Variants in DSCAML1 observed in about 807,000 individuals in gnomAD.
The protein encoded by DSCAML1 is cell adhesion molecule DSCAML1.
DSCAML1 carries 38 observed loss-of-function variants against 200.5 expected under a neutral mutation model. That is an observed-to-expected ratio of 0.19 (90% CI 0.15 to 0.25). DSCAML1 has a LOEUF of 0.25. Among genes scored for constraint, DSCAML1 ranks in the 10% least tolerant of loss-of-function variants. The pLI is 1.00. For synonymous variants in DSCAML1, 1,215 were observed against 1,165.0 expected (o/e 1.04, Z -0.87); for missense variants, 2,223 against 2,858.8 (o/e 0.78, Z 5.07).
intron 3 of DSCAML1, among the ~76,000 whole-genome samples, chr11:117,758,712 T>C (rs1164657249): frequency 6.6e-6 from 1 of 152,152 alleles, no homozygotes; most frequent in Non-Finnish European, 1.5e-5. Flanking sequence ...GGCAGAACTC[T>C]TTATTGCCAT....
intron 21 of DSCAML1, among the ~76,000 whole-genome samples, chr11:117,440,805 C>T (rs2048028508): frequency 1.3e-5 from 2 of 151,832 alleles, no homozygotes; most frequent in African/African-American, 4.8e-5. Flanking sequence ...CCTGTAACCC[C>T]AGCTACTCGG....
chr11:117,798,085 G>A (rs2055616607), upstream of DSCAML1, among the ~76,000 whole-genome samples: 1 of 152,240 alleles, frequency 6.6e-6, no homozygotes, highest in Non-Finnish European at 1.5e-5. Context: ...AATATGGTTG[G>A]AAAGCCCTCC....
intron 3 of DSCAML1, among the ~76,000 whole-genome samples, chr11:117,608,663 A>T (rs567674915): frequency 6.6e-6 from 1 of 152,120 alleles, no homozygotes; most frequent in Non-Finnish European, 1.5e-5. Flanking sequence ...TATTTTGACT[A>T]TGTCTGATTT....
At chr11:117,438,558 C>G (rs2137078500) in intron 24 of DSCAML1, among the ~76,000 whole-genome samples, 1 of 150,398 alleles carries the variant, frequency 6.6e-6, no homozygotes, top group East Asian at 2.0e-4. Context: ...CTTGGTGACG[C>G]AGACGCACGC....
chr11:117,524,534 C>G (rs759144016), intron 5 of DSCAML1, among the ~76,000 whole-genome samples: 2 of 152,226 alleles, frequency 1.3e-5, no homozygotes, highest in African/African-American at 4.8e-5. Flanking sequence ...GACCACTTTC[C>G]CATTTTACAG....
intron 11 of DSCAML1, among the ~76,000 whole-genome samples, chr11:117,494,057 C>T (rs755511579): frequency 2.0e-4 from 31 of 152,222 alleles, no homozygotes; most frequent in Admixed American, 3.3e-4. Context: ...ACCCTCACTT[C>T]TCCAAACACA....
At chr11:117,655,623 TG>T (rs1758379220) in intron 3 of DSCAML1, among the ~76,000 whole-genome samples, 1 of 152,244 alleles carries the variant, frequency 6.6e-6, no homozygotes, top group Non-Finnish European at 1.5e-5. Flanking sequence ...CAGGGACACC[TG>T]GCCATCCTGA....
chr11:117,666,516 C>T (rs1441176392), intron 3 of DSCAML1, among the ~76,000 whole-genome samples: 2 of 152,176 alleles, frequency 1.3e-5, no homozygotes, highest in African/African-American at 4.8e-5. Flanking sequence ...CCAAATGCCC[C>T]TGAGGACAAA....
At position 117,431,127 on chromosome 11, in the gene DSCAML1, C is replaced by A. The variant is rs976298792; in HGVS notation, c.5375-94G>T. 4 of 1,291,270 alleles carry A rather than the reference C, an allele frequency of 3.1e-6. No individual in the cohort carries two copies. In the Admixed American group the frequency reaches 8.5e-5, roughly 28 times the overall value. The allele number at this position is 1,291,270 out of a possible 1,614,324, so 80.0% of individuals were successfully genotyped here. A position where few individuals can be genotyped will look rare whatever the true frequency, so the allele number is the denominator to read the frequency against. Reference sequence around the variant, plus strand: ...CCCTGCCCGTAACCCCAGCAGCCATCTGTAAGTCTGGCCATGGAGGGCACC... The same window carrying A: ...CCCTGCCCGTAACCCCAGCAGCCATATGTAAGTCTGGCCATGGAGGGCACC... On this transcript the variant is annotated intron_variant, in intron 31 of 32. Transcript: ENST00000651296.
chr11:117,559,747 G>C (rs944082565), intron 3 of DSCAML1, among the ~76,000 whole-genome samples: 1 of 152,166 alleles, frequency 6.6e-6, no homozygotes, highest in Admixed American at 6.5e-5. Context: ...GGCTGAAGAA[G>C]GGGCAGAGAG....
Position 117,518,318 on chromosome 11 carries a change from A to T in DSCAML1, c.1510+148T>A, listed in dbSNP as rs902758452. On this transcript the variant is annotated intron_variant, in intron 7 of 32. Transcript: ENST00000651296. The surrounding 1 kb of genome is among the most constrained non-coding windows in gnomAD (Gnocchi z 6.3). The stretch of plus-strand genomic sequence containing the variant: ...GATGATGGCGCTTGAGGAGGGCAGG[A>T]AAAGGGGACGAGAGAGGGGAGAGAG... 3.6e-6 allele frequency: 4 copies of T among 1,102,748 alleles called. No homozygotes were observed. The highest frequency in any genetic ancestry group is 4.7e-5 in the East Asian group (2 of 42,416). 68.3% of individuals were successfully genotyped at this position (1,102,748 alleles called of 1,614,324 possible). A position where few individuals can be genotyped will look rare whatever the true frequency, so the allele number is the denominator to read the frequency against.
intron 15 of DSCAML1, 27 bp downstream of exon 15, chr11:117,471,842 G>T (rs370623149): frequency 1.3e-5 from 19 of 1,470,538 alleles, no homozygotes; most frequent in Admixed American, 1.8e-5. Context: ...GAGGCCATGG[G>T]CAGGGCAGGC....
At position 117,461,208 on chromosome 11, in the gene DSCAML1, C is replaced by T. The variant is rs1166531114; in HGVS notation, c.3412+242G>A. Among the ~76,000 whole-genome samples, 5 of 151,662 alleles carry T rather than the reference C, an allele frequency of 3.3e-5. No homozygotes were observed. In the East Asian group the frequency reaches 7.7e-4, roughly 23 times the overall value. ...CCCTAGGTACCACCCCCCCACCTTGCTCCTGGCTCTGACCCCAGTTGAACA... is the reference window on the plus strand; with the variant it reads ...CCCTAGGTACCACCCCCCCACCTTGTTCCTGGCTCTGACCCCAGTTGAACA... On this transcript the variant is annotated intron_variant, in intron 18 of 32. Transcript: ENST00000651296.
chr11:117,586,682 A>G (rs1217086744), intron 3 of DSCAML1, among the ~76,000 whole-genome samples: 1 of 152,156 alleles, frequency 6.6e-6, no homozygotes, highest in Non-Finnish European at 1.5e-5. Flanking sequence ...TGGAGAATTC[A>G]TGCCTGCTTC....
intron 1 of DSCAML1, among the ~76,000 whole-genome samples, chr11:117,786,201 G>A (rs4603339): frequency 0.84 from 128,180 of 152,178 alleles, 54,124 homozygotes; most frequent in Middle Eastern, 0.92. Flanking sequence ...TCAACAGCAA[G>A]GCTTCTTCTG....
intron 11 of DSCAML1, among the ~76,000 whole-genome samples, chr11:117,490,384 A>T (rs2137245032): frequency 6.6e-6 from 1 of 152,142 alleles, no homozygotes. Flanking sequence ...CTGCTGCCTC[A>T]CTCACTCCCG....
At chr11:117,439,177 T>G in intron 23 of DSCAML1, 89 bp downstream of exon 23, 4 of 1,538,782 alleles carry the variant, frequency 2.6e-6, no homozygotes, top group Non-Finnish European at 3.5e-6. Flanking sequence ...TTTGGCTTCT[T>G]CCATTCGATG....
intron 3 of DSCAML1, among the ~76,000 whole-genome samples, chr11:117,762,036 C>T (rs1409931201): frequency 1.3e-5 from 2 of 152,130 alleles, no homozygotes; most frequent in Non-Finnish European, 2.9e-5. Context: ...ACAACCAGTA[C>T]AGCATCGACT....
intron 3 of DSCAML1, among the ~76,000 whole-genome samples, chr11:117,726,882 G>A (rs984424196): frequency 6.6e-6 from 1 of 152,066 alleles, no homozygotes; most frequent in African/African-American, 2.4e-5. Flanking sequence ...AGGGACAGGA[G>A]ACTTTAGGGT....
Sources: allele counts gnomAD v4.1 joint callset (sites outside exome capture counted in the v4.1 genomes callset), GRCh38; gene constraint gnomAD v4.1.1; non-coding constraint Gnocchi (gnomAD v3.1); transcripts MANE v1.5; gene names NCBI Gene and HGNC (gene_info 2026-07-23, HGNC 2026-07-21).